Variants in POLR3B observed in about 807,000 individuals in gnomAD.
POLR3B encodes RNA polymerase III subunit B, also known as DNA-directed RNA polymerase III subunit RPC2.
In POLR3B, 96 loss-of-function variants were observed where a neutral mutation model predicts 147.4. The ratio of observed to expected loss-of-function variants is 0.65; its 90% CI spans 0.55 to 0.77. The LOEUF is 0.77. POLR3B is among the 30% of genes least tolerant of loss of function. The pLI is 0.00. For missense variants in POLR3B, 1,036 were observed against 1,413.5 expected, an observed-to-expected ratio of 0.73 and a Z score of 4.28; for synonymous variants, 461 against 485.9, an observed-to-expected ratio of 0.95 and a Z score of 0.67.
At position 106,430,236 on chromosome 12, in the gene POLR3B, G is replaced by A. The variant is rs901013947; in HGVS notation, c.1264-37G>A. ...CACGGTATCAGACAACATAGGATTGGGTTAGGAATAGTCTTATGTCTTTCA... is the reference window on the plus strand; with the variant it reads ...CACGGTATCAGACAACATAGGATTGAGTTAGGAATAGTCTTATGTCTTTCA... On this transcript the variant is annotated intron_variant, in intron 13 of 27. Coordinates refer to ENST00000228347, the MANE Select transcript of POLR3B (RefSeq NM_018082.6). The A allele has an allele frequency of 2.6e-6, 4 of 1,518,106 alleles. No homozygotes were observed. In the African/African-American group the frequency reaches 5.5e-5, roughly 21 times the overall value. The allele number at this position is 1,518,106 out of a possible 1,614,324, so 94.0% of individuals were successfully genotyped here. A position where few individuals can be genotyped will look rare whatever the true frequency, so the allele number is the denominator to read the frequency against.
chr12:106,368,994 G>T (rs1220767113), intron 4 of POLR3B, among the ~76,000 whole-genome samples: 3 of 151,248 alleles, frequency 2.0e-5, no homozygotes, highest in Non-Finnish European at 4.4e-5. Context: ...TTTACACTTT[G>T]CTCTTTCATT....
At chr12:106,365,161 G>A (rs2036517238) in intron 2 of POLR3B, among the ~76,000 whole-genome samples, 1 of 152,024 alleles carries the variant, frequency 6.6e-6, no homozygotes. Context: ...GTAGAGTTTT[G>A]TCTCTACTCA....
intron 9 of POLR3B, among the ~76,000 whole-genome samples, chr12:106,391,451 A>G (rs2036913270): frequency 7.8e-6 from 1 of 128,898 alleles, no homozygotes; most frequent in African/African-American, 4.1e-5. Context: ...CAAAGAATCT[A>G]TGAAGGTTTT....
Position 106,496,266 on chromosome 12 carries a change from G to C in POLR3B, c.2817+108G>C, listed in dbSNP as rs1344289690. ...CGAGGACTCTGAAGCTGTTTTTTCAGGTAGAGCTCTTCTGCCCCTTGCCAG... is the reference window on the plus strand; with the variant it reads ...CGAGGACTCTGAAGCTGTTTTTTCACGTAGAGCTCTTCTGCCCCTTGCCAG... On this transcript the variant is annotated intron_variant, in intron 24 of 27. Transcript: ENST00000228347. The C allele has an allele frequency of 6.4e-6, 5 of 784,824 alleles. No individual in the cohort carries two copies. The South Asian group carries it at 6.9e-5, about 11-fold the overall frequency. 48.6% of individuals were successfully genotyped at this position (784,824 alleles called of 1,614,324 possible). A position where few individuals can be genotyped will look rare whatever the true frequency, so the allele number is the denominator to read the frequency against.
intron 26 of POLR3B, among the ~76,000 whole-genome samples, chr12:106,502,682 A>G (rs1171521743): frequency 6.6e-6 from 1 of 152,140 alleles, no homozygotes; most frequent in African/African-American, 2.4e-5. Context: ...AACTGAGCAC[A>G]TGCACGTGTC....
At chr12:106,464,662 T>C (rs111875407) in intron 23 of POLR3B, among the ~76,000 whole-genome samples, 147 of 152,328 alleles carry the variant, frequency 9.7e-4, no homozygotes, top group African/African-American at 3.4e-3. Context: ...TTTTTTGATA[T>C]ATACTTAAGA....
chr12:106,443,063 T>C (rs2037674346), intron 18 of POLR3B, among the ~76,000 whole-genome samples: 1 of 152,222 alleles, frequency 6.6e-6, no homozygotes, highest in African/African-American at 2.4e-5. Context: ...AACTTTCTAA[T>C]AGCCACATTA....
chr12:106,500,132 C>T (rs1157324853), intron 25 of POLR3B: 1 of 455,978 alleles, frequency 2.2e-6, no homozygotes, highest in Non-Finnish European at 4.4e-6. Context: ...ACAGTTCTTC[C>T]TCCCTGGATC....
chr12:106,464,297 G>A (rs1003157904), intron 23 of POLR3B, among the ~76,000 whole-genome samples: 3 of 152,240 alleles, frequency 2.0e-5, no homozygotes, highest in East Asian at 1.9e-4. Context: ...TCTGCCTGCC[G>A]CTTAGCTTTA....
intron 13 of POLR3B, among the ~76,000 whole-genome samples, chr12:106,428,638 T>C (rs2037467831): frequency 6.6e-6 from 1 of 152,210 alleles, no homozygotes; most frequent in Non-Finnish European, 1.5e-5. Flanking sequence ...GTGTGCTGAA[T>C]ACTTATTTAC....
At chr12:106,428,457 T>C (rs781094815) in intron 13 of POLR3B, among the ~76,000 whole-genome samples, 13 of 152,170 alleles carry the variant, frequency 8.5e-5, no homozygotes, top group Non-Finnish European at 1.5e-4. Flanking sequence ...AGAAGAATGC[T>C]TTTACCAAAT....
intron 4 of POLR3B, among the ~76,000 whole-genome samples, chr12:106,368,894 GT>G (rs11341760): frequency 0.57 from 85,852 of 151,348 alleles, 25,999 homozygotes; most frequent in East Asian, 0.95. Context: ...ACAAATGAGC[GT>G]TTTTTTTTTG....
intron 10 of POLR3B, among the ~76,000 whole-genome samples, chr12:106,397,503 A>C (rs976017420): frequency 1.3e-5 from 2 of 152,156 alleles, no homozygotes; most frequent in African/African-American, 4.8e-5. Context: ...TATATATGGA[A>C]TTAGGCATCA....
intron 9 of POLR3B, among the ~76,000 whole-genome samples, chr12:106,385,394 A>T (rs1366445544): frequency 6.6e-6 from 1 of 152,230 alleles, no homozygotes; most frequent in Non-Finnish European, 1.5e-5. Flanking sequence ...GAGATACTGG[A>T]TGCTTCAGAT....
At position 106,487,347 on chromosome 12, in the gene POLR3B, G is replaced by A. The variant is rs567363771; in HGVS notation, c.2714-8708G>A. Among the ~76,000 whole-genome samples, 4 of 152,302 alleles carry A rather than the reference G, an allele frequency of 2.6e-5. No individual in the cohort carries two copies. The East Asian group carries it at 7.7e-4, about 29-fold the overall frequency. ...TGAACTTAGTTTTTAATCCTGAGAT[G>A]TAGAATTGTTTGGAAATCCTGTTTT... On this transcript the variant is annotated intron_variant, in intron 23 of 27. Transcript: ENST00000228347.
At chr12:106,479,723 T>G (rs1020531841) in intron 23 of POLR3B, among the ~76,000 whole-genome samples, 14 of 151,996 alleles carry the variant, frequency 9.2e-5, no homozygotes, top group African/African-American at 3.4e-4. Context: ...TTTTTAGTTT[T>G]CTTTGAGTTT....
intron 10 of POLR3B, among the ~76,000 whole-genome samples, chr12:106,402,702 A>G (rs2037086164): frequency 1.3e-5 from 2 of 152,348 alleles, no homozygotes; most frequent in East Asian, 3.9e-4. Context: ...AAAACAAGAA[A>G]TGGGGAAAGG....
intron 12 of POLR3B, 137 bp downstream of exon 12, chr12:106,411,097 T>A: frequency 1.4e-6 from 1 of 728,456 alleles, no homozygotes; most frequent in Non-Finnish European, 2.3e-6. Context: ...CCTGACTTAT[T>A]ATCTCCTAGA....
At chr12:106,462,798 C>G (rs773363139) in intron 22 of POLR3B, among the ~76,000 whole-genome samples, 10 of 152,154 alleles carry the variant, frequency 6.6e-5, no homozygotes, top group Non-Finnish European at 1.5e-4. Flanking sequence ...CCACTCTGGT[C>G]AGGTCTCAAG....
Sources: allele counts gnomAD v4.1 joint callset (sites outside exome capture counted in the v4.1 genomes callset), GRCh38; gene constraint gnomAD v4.1.1; transcripts MANE v1.5; gene names NCBI Gene and HGNC (gene_info 2026-07-23, HGNC 2026-07-21).